Variants in AXIN1 observed in about 807,000 individuals in gnomAD.
AXIN1 encodes the protein axin 1, also known as axin-1.
AXIN1 carries 30 observed loss-of-function variants against 76.4 expected under a neutral mutation model. The observed-to-expected ratio is 0.39, with a 90% CI of 0.29 to 0.53. The LOEUF (loss-of-function observed/expected upper bound fraction) is 0.53. Ranked by LOEUF, AXIN1 falls within the 20% of genes least tolerant of loss-of-function variation. The pLI, the probability that AXIN1 is intolerant of heterozygous loss-of-function variation, is 0.66. For missense variants in AXIN1, 1,140 were observed against 1,198.8 expected (o/e 0.95, Z 0.72); for synonymous variants, 545 against 501.4 (o/e 1.09, Z -1.16).
chr16:290,914 C>T (rs2052539357), intron 9 of AXIN1: 2 of 534,596 alleles, frequency 3.7e-6, no homozygotes, highest in Admixed American at 3.1e-5. Flanking sequence ...GGCCGTGACA[C>T]CTGTGTGGAT....
In AXIN1 at chr16:350,767, C is replaced by T. The variant is rs75140872; in HGVS notation, c.-82+1602G>A. ...CTAGAAACCCAAGACAAGTCAACAC[C>T]AGCTGAAAATCAAACAAAAACAGTC... On this transcript the variant is annotated intron_variant, in intron 1 of 10. Transcript: ENST00000262320. 5.6e-3 allele frequency among the ~76,000 whole-genome samples: 859 copies of T among 152,304 alleles called. 6 individuals carry two copies. Among genetic ancestry groups the T allele is most frequent in the African/African-American group, 0.019 (793 of 41,568 alleles).
chr16:326,036 G>A (rs1225691319), intron 2 of AXIN1, among the ~76,000 whole-genome samples: 2 of 152,012 alleles, frequency 1.3e-5, no homozygotes, highest in Non-Finnish European at 2.9e-5. Context: ...CCCCATTCAT[G>A]CAGATGCTGT....
At chr16:329,787 C>CT (rs2053657566) in intron 2 of AXIN1, among the ~76,000 whole-genome samples, 1 of 142,150 alleles carries the variant, frequency 7.0e-6, no homozygotes, top group South Asian at 2.2e-4. Flanking sequence ...CCTTGCCCGG[C>CT]TATTTTTTTT....
At chr16:295,063 CAAA>C (rs1247311711) in intron 7 of AXIN1, among the ~76,000 whole-genome samples, 5 of 60,586 alleles carry the variant, frequency 8.3e-5, no homozygotes, top group African/African-American at 2.3e-4. Flanking sequence ...GACTCCGTCT[CAAA>C]AAAAAAAAAA....
intron 3 of AXIN1, among the ~76,000 whole-genome samples, chr16:312,236 G>T (rs1312755695): frequency 6.6e-6 from 1 of 152,182 alleles, no homozygotes; most frequent in East Asian, 1.9e-4. Flanking sequence ...AAAGCTGAGG[G>T]CAGCTGCCCC....
intron 2 of AXIN1, among the ~76,000 whole-genome samples, chr16:341,393 G>A (rs2053917054): frequency 6.6e-6 from 1 of 152,264 alleles, no homozygotes; most frequent in Non-Finnish European, 1.5e-5. Flanking sequence ...GGCAATGAGG[G>A]GCTTAGCACC....
At chr16:329,974 G>A (rs2053661986) in intron 2 of AXIN1, among the ~76,000 whole-genome samples, 2 of 151,718 alleles carry the variant, frequency 1.3e-5, no homozygotes, top group South Asian at 4.2e-4. Flanking sequence ...CACCATGTTG[G>A]TCAGGCTGGT....
intron 1 of AXIN1, among the ~76,000 whole-genome samples, 180 bp downstream of exon 1, chr16:352,189 G>A (rs996050062): frequency 1.5e-4 from 23 of 151,634 alleles, no homozygotes; most frequent in Admixed American, 1.2e-3. Flanking sequence ...CGAGGCCTCG[G>A]ACCTCCAAGC....
Position 293,658 on chromosome 16 carries a change from G to A in AXIN1, c.2016C>T (p.His672=), listed in dbSNP as rs1273589096. Residue 672 remains histidine (H), a synonymous_variant, in exon 8 of 11, where the codon CAC becomes CAT. Coordinates refer to ENST00000262320, the MANE Select transcript of AXIN1 (RefSeq NM_003502.4). The surrounding 1 kb of genome is among the most constrained non-coding windows in gnomAD (Gnocchi z 4.6). ...TCCGGAGCTGAGGGCCGGCCCAGGGGTGCTCAAGGGACAAGGGTCTGGAGT... is the reference window on the plus strand; with the variant it reads ...TCCGGAGCTGAGGGCCGGCCCAGGGATGCTCAAGGGACAAGGGTCTGGAGT... ...HENSRPLSLE[H]PWAGPQLRTS... is the part of the protein sequence containing the mutation. 5.0e-6 allele frequency: 8 copies of A among 1,613,774 alleles called. No homozygotes were observed. The highest frequency in any genetic ancestry group is 2.2e-5 in the East Asian group (1 of 44,872).
chr16:295,182 T>G (rs1231429446), intron 7 of AXIN1, among the ~76,000 whole-genome samples: 1 of 150,596 alleles, frequency 6.6e-6, no homozygotes, highest in Non-Finnish European at 1.5e-5. Flanking sequence ...CTCGGCTCAC[T>G]GCAATCTCCG....
chr16:290,864 G>A (rs371975366), intron 9 of AXIN1: 38 of 445,026 alleles, frequency 8.5e-5, no homozygotes, highest in Admixed American at 3.4e-4. Context: ...GTTCCAAGCC[G>A]GGTGGAGGCG....
chr16:329,725 G>A (rs1032665217), intron 2 of AXIN1, among the ~76,000 whole-genome samples: 5 of 152,002 alleles, frequency 3.3e-5, no homozygotes, highest in South Asian at 2.1e-4. Flanking sequence ...CCAGGTTCAC[G>A]CCATTCTCCT....
Position 293,027 on chromosome 16 carries a change from C to T in AXIN1, c.2186+461G>A, listed in dbSNP as rs797010171. 2.1e-4 allele frequency: 40 copies of T among 187,970 alleles called. No individual in the cohort carries two copies. The highest frequency in any genetic ancestry group is 8.0e-4 in the African/African-American group (34 of 42,704). The allele number at this position is 187,970 out of a possible 1,614,324, so 11.6% of individuals were successfully genotyped here. A position where few individuals can be genotyped will look rare whatever the true frequency, so the allele number is the denominator to read the frequency against. ...CCAGGACGACACTTCTACATCTGCA[C>T]GGCTTTCAGAACCACGTAGCTTTCC... On this transcript the variant is annotated intron_variant, in intron 8 of 10. Transcript: ENST00000262320. This position sits in a 1 kb window ranked among gnomAD's most constrained non-coding sequence, Gnocchi z 4.6.
In AXIN1 at chr16:297,045, G is replaced by T. The variant is rs557453148; in HGVS notation, c.1955+11C>A. On this transcript the variant is annotated intron_variant, in intron 7 of 10. Transcript: ENST00000262320. ...AGGCCCCACGAGGCTGGCTGCGTGCGGGGTGCTCACCCGTGGCCGGTCCTG... is the reference window on the plus strand; with the variant it reads ...AGGCCCCACGAGGCTGGCTGCGTGCTGGGTGCTCACCCGTGGCCGGTCCTG... The T allele has an allele frequency of 3.1e-6, 5 of 1,609,530 alleles. No homozygotes were observed. The South Asian group carries it at 5.5e-5, about 18-fold the overall frequency.
chr16:318,374 A>T (rs1350121734), intron 2 of AXIN1, among the ~76,000 whole-genome samples: 1 of 152,210 alleles, frequency 6.6e-6, no homozygotes, highest in Non-Finnish European at 1.5e-5. Flanking sequence ...CAAAGGGGAG[A>T]GAAGCGGGAG....
chr16:320,138 T>A (rs1029621723), intron 2 of AXIN1, among the ~76,000 whole-genome samples: 2 of 152,112 alleles, frequency 1.3e-5, no homozygotes, highest in Non-Finnish European at 2.9e-5. Context: ...TGACATTTTC[T>A]TTTTTATTCC....
At chr16:340,582 C>G (rs537143871) in intron 2 of AXIN1, among the ~76,000 whole-genome samples, 24 of 152,330 alleles carry the variant, frequency 1.6e-4, no homozygotes, top group Non-Finnish European at 2.6e-4. Context: ...CAGTCAACAG[C>G]AGAACCTGCC....
chr16:341,463 G>A (rs897652140), intron 2 of AXIN1, among the ~76,000 whole-genome samples: 1 of 152,260 alleles, frequency 6.6e-6, no homozygotes, highest in African/African-American at 2.4e-5. Context: ...CACCGGAGCT[G>A]CGCTCAATTT....
At chr16:320,515 T>C (rs934315940) in intron 2 of AXIN1, among the ~76,000 whole-genome samples, 4 of 152,078 alleles carry the variant, frequency 2.6e-5, no homozygotes, top group South Asian at 4.1e-4. Flanking sequence ...TGGAGAAATT[T>C]AGAAACAGGT....
Sources: allele counts gnomAD v4.1 joint callset (sites outside exome capture counted in the v4.1 genomes callset), GRCh38; gene constraint gnomAD v4.1.1; non-coding constraint Gnocchi (gnomAD v3.1); transcripts MANE v1.5; gene names NCBI Gene and HGNC (gene_info 2026-07-23, HGNC 2026-07-21).